The following TAS2R1 variants were observed in gnomAD, a reference collection of about 807,000 sequenced individuals.
TAS2R1 encodes taste 2 receptor member 1, also known as taste receptor type 2 member 1.
For synonymous variants in TAS2R1, 141 were observed against 134.2 expected (o/e 1.05, Z -0.35); for missense variants, 370 against 353.4 (o/e 1.05, Z -0.38).
intron 2 of TAS2R1, among the ~76,000 whole-genome samples, chr5:9,651,322 G>T (rs985929606): frequency 6.6e-6 from 1 of 152,072 alleles, no homozygotes; most frequent in Non-Finnish European, 1.5e-5. Flanking sequence ...TTAAATGATG[G>T]GGTAATTATT....
At chr5:9,840,384 T>C in the TAS2R1 span, among the ~76,000 whole-genome samples, 1 of 152,366 alleles carries the variant, frequency 6.6e-6, no homozygotes, top group South Asian at 2.1e-4. Context: ...TCTTGTTTTT[T>C]ATCCTTCCCA....
the TAS2R1 span, among the ~76,000 whole-genome samples, chr5:9,842,891 C>T: frequency 0.35 from 52,844 of 151,824 alleles, 9,379 homozygotes; most frequent in South Asian, 0.39. Context: ...GCTTCTTAGT[C>T]TCTTGCCCAT....
the TAS2R1 span, among the ~76,000 whole-genome samples, chr5:9,886,033 CTT>C: frequency 4.2e-4 from 59 of 140,038 alleles, no homozygotes; most frequent in Admixed American, 5.7e-4. Context: ...TTATATAATT[CTT>C]TTTTTTTTTT....
chr5:9,813,578 A>C, the TAS2R1 span, among the ~76,000 whole-genome samples: 2 of 152,206 alleles, frequency 1.3e-5, no homozygotes, highest in African/African-American at 4.8e-5. Flanking sequence ...GGACTGTTAC[A>C]GAACAGAGAA....
At chr5:9,637,767 T>C (rs1328672834) in intron 2 of TAS2R1, among the ~76,000 whole-genome samples, 1 of 152,208 alleles carries the variant, frequency 6.6e-6, no homozygotes, top group African/African-American at 2.4e-5. Context: ...GTATCTTTTA[T>C]TTCCAGAATT....
chr5:9,857,674 G>A, the TAS2R1 span, among the ~76,000 whole-genome samples: 1 of 152,172 alleles, frequency 6.6e-6, no homozygotes, highest in Non-Finnish European at 1.5e-5. Context: ...GCTACTAGAA[G>A]ATTATTGTGT....
the TAS2R1 span, among the ~76,000 whole-genome samples, chr5:9,837,194 A>C: frequency 6.6e-6 from 1 of 152,180 alleles, no homozygotes; most frequent in Non-Finnish European, 1.5e-5. Flanking sequence ...AAATACACAC[A>C]CATCACTACA....
At chr5:9,857,009 T>C in the TAS2R1 span, among the ~76,000 whole-genome samples, 2 of 152,346 alleles carry the variant, frequency 1.3e-5, no homozygotes, top group South Asian at 2.1e-4. Flanking sequence ...GTGGCCATTA[T>C]GTAAAGTAAA....
the TAS2R1 span, among the ~76,000 whole-genome samples, chr5:9,813,171 A>C: frequency 6.6e-6 from 1 of 152,308 alleles, no homozygotes; most frequent in East Asian, 1.9e-4. Context: ...CATAGAGAGA[A>C]GACAATGGAA....
In TAS2R1 at chr5:9,690,771, T is replaced by G. The variant is rs146412304; in HGVS notation, c.-242+21401A>C. On this transcript the variant is annotated intron_variant, in intron 1 of 2. Coordinates refer to the TAS2R1 transcript ENST00000506620. Reference sequence around the variant, plus strand: ...CCACACGAAATAAGGGGCAACAGTTTTCATGCTAAAACCTTAGCCTCAGTT... The same window carrying G: ...CCACACGAAATAAGGGGCAACAGTTGTCATGCTAAAACCTTAGCCTCAGTT... 2.7e-3 allele frequency among the ~76,000 whole-genome samples: 404 copies of G among 152,136 alleles called. 2 individuals carry two copies. The highest frequency in any genetic ancestry group is 6.8e-3 in the Middle Eastern group (2 of 292).
At chr5:9,863,166 C>T in the TAS2R1 span, 1 of 152,122 alleles carries the variant, frequency 6.6e-6, no homozygotes, top group East Asian at 1.9e-4. Flanking sequence ...CTAAACACTT[C>T]CCTCTACCAC....
At chr5:9,767,919 G>A in the TAS2R1 span, among the ~76,000 whole-genome samples, 5 of 71,510 alleles carry the variant, frequency 7.0e-5, no homozygotes, top group African/African-American at 1.3e-4. Context: ...GCGAGACTCC[G>A]TCTCAAAAAA....
At chr5:9,754,930 T>C in the TAS2R1 span, among the ~76,000 whole-genome samples, 3 of 152,162 alleles carry the variant, frequency 2.0e-5, no homozygotes, top group African/African-American at 4.8e-5. Flanking sequence ...GAGCCCGCAT[T>C]GCCAAGTCAA....
intron 1 of TAS2R1, among the ~76,000 whole-genome samples, chr5:9,666,487 G>C (rs1740635462): frequency 6.6e-6 from 1 of 152,156 alleles, no homozygotes; most frequent in South Asian, 2.1e-4. Context: ...ATCAATGAAA[G>C]AGCATCCAGG....
the TAS2R1 span, among the ~76,000 whole-genome samples, chr5:9,807,210 T>A: frequency 6.6e-6 from 1 of 152,082 alleles, no homozygotes; most frequent in African/African-American, 2.4e-5. Flanking sequence ...CAATACCACC[T>A]CACTGCTGCA....
At chr5:9,723,094 A>G in the TAS2R1 span, among the ~76,000 whole-genome samples, 3 of 152,190 alleles carry the variant, frequency 2.0e-5, no homozygotes, top group African/African-American at 7.2e-5. Flanking sequence ...CTAGGGTCAT[A>G]TTGGCATTTG....
At chr5:9,650,849 G>A (rs914994226) in intron 2 of TAS2R1, among the ~76,000 whole-genome samples, 9 of 151,834 alleles carry the variant, frequency 5.9e-5, no homozygotes, top group East Asian at 5.8e-4. Flanking sequence ...ATTTTTCTTC[G>A]CTGCTATATA....
the TAS2R1 span, among the ~76,000 whole-genome samples, chr5:9,821,042 T>A: frequency 3.3e-5 from 5 of 151,676 alleles, no homozygotes; most frequent in Admixed American, 6.6e-5. Flanking sequence ...ATCTCAGGAG[T>A]AAAACTTTAT....
upstream of TAS2R1, among the ~76,000 whole-genome samples, chr5:9,715,661 G>C (rs1734795960): frequency 1.3e-5 from 2 of 152,306 alleles, no homozygotes; most frequent in African/African-American, 4.8e-5. Context: ...CCCTGCCCTA[G>C]AGAGGTGAGG....
Sources: allele counts gnomAD v4.1 joint callset (sites outside exome capture counted in the v4.1 genomes callset), GRCh38; gene constraint gnomAD v4.1.1; transcripts MANE v1.5; gene names NCBI Gene and HGNC (gene_info 2026-07-23, HGNC 2026-07-21).